The following AFG2A variants were observed in gnomAD, a reference collection of about 807,000 sequenced individuals.
The protein encoded by AFG2A is AAA ATPase AFG2A.
chr4:123,207,305 T>TG, the AFG2A span, among the ~76,000 whole-genome samples: 2 of 149,216 alleles, frequency 1.3e-5, no homozygotes, highest in South Asian at 4.3e-4. Context: ...TTTTTTTTTT[T>TG]TGTGAGACAC....
At chr4:122,938,683 C>T in the AFG2A span, among the ~76,000 whole-genome samples, 2 of 152,120 alleles carry the variant, frequency 1.3e-5, no homozygotes, top group Non-Finnish European at 2.9e-5. Flanking sequence ...CTCCACCTTC[C>T]AGGTTCAAGC....
chr4:123,199,473 T>TG, the AFG2A span, among the ~76,000 whole-genome samples: 1 of 135,988 alleles, frequency 7.4e-6, no homozygotes. Flanking sequence ...TTTTTTTTTT[T>TG]TTTTTTTTTT....
the AFG2A span, among the ~76,000 whole-genome samples, chr4:123,221,852 G>C: frequency 6.6e-6 from 1 of 151,996 alleles, no homozygotes; most frequent in Non-Finnish European, 1.5e-5. Flanking sequence ...ATTTGAACCC[G>C]GGAGGCGGAG....
chr4:123,159,243 A>T, the AFG2A span, among the ~76,000 whole-genome samples: 4 of 151,154 alleles, frequency 2.6e-5, no homozygotes, highest in Non-Finnish European at 5.9e-5. Context: ...AAGTTTTGGC[A>T]AGTTTTTAAT....
the AFG2A span, among the ~76,000 whole-genome samples, chr4:122,992,224 T>C: frequency 6.6e-6 from 1 of 152,180 alleles, no homozygotes; most frequent in Non-Finnish European, 1.5e-5. Context: ...TAATGAAAGA[T>C]TTTTTTTCTT....
At chr4:123,117,824 G>C in the AFG2A span, among the ~76,000 whole-genome samples, 1 of 151,128 alleles carries the variant, frequency 6.6e-6, no homozygotes, top group Non-Finnish European at 1.5e-5. Flanking sequence ...TCTGTATTCT[G>C]TCACCACCAA....
the AFG2A span, among the ~76,000 whole-genome samples, chr4:123,244,177 G>A: frequency 5.9e-5 from 9 of 152,070 alleles, no homozygotes; most frequent in Admixed American, 5.2e-4. Flanking sequence ...AGCCAAAGCA[G>A]GACTGACGGA....
At chr4:122,931,842 A>C in the AFG2A span, among the ~76,000 whole-genome samples, 1,439 of 152,320 alleles carry the variant, frequency 9.4e-3, 32 homozygotes, top group African/African-American at 0.032. Context: ...CTGCTCTTCC[A>C]TGTCACTAAT....
At chr4:123,216,424 A>C in the AFG2A span, among the ~76,000 whole-genome samples, 1 of 152,168 alleles carries the variant, frequency 6.6e-6, no homozygotes, top group Non-Finnish European at 1.5e-5. Flanking sequence ...TGCCTTAGAG[A>C]GTTGCTTTAA....
chr4:123,080,612 C>T, the AFG2A span, among the ~76,000 whole-genome samples: 2 of 151,938 alleles, frequency 1.3e-5, no homozygotes, highest in African/African-American at 2.4e-5. Flanking sequence ...TTTCCATTCT[C>T]CAGGTACCAT....
chr4:122,954,061 A>G, the AFG2A span, among the ~76,000 whole-genome samples: 1 of 152,176 alleles, frequency 6.6e-6, no homozygotes, highest in Non-Finnish European at 1.5e-5. Context: ...CAATTCCTCC[A>G]TAGTCTGCCA....
the AFG2A span, among the ~76,000 whole-genome samples, chr4:123,243,506 C>G: frequency 3.0e-4 from 45 of 152,128 alleles, no homozygotes; most frequent in Non-Finnish European, 4.7e-4. Context: ...GACAGAAAAC[C>G]AAACACCACA....
the AFG2A span, among the ~76,000 whole-genome samples, chr4:122,973,113 TG>T: frequency 1.3e-5 from 2 of 152,176 alleles, no homozygotes. Context: ...TTTAGAATTT[TG>T]TATATTCTTG....
At chr4:123,219,636 A>G in the AFG2A span, among the ~76,000 whole-genome samples, 4 of 152,336 alleles carry the variant, frequency 2.6e-5, no homozygotes, top group Non-Finnish European at 5.9e-5. Context: ...ATTTATAAAC[A>G]TAAACATAGA....
chr4:123,273,390 A>C, the AFG2A span, among the ~76,000 whole-genome samples: 1 of 152,118 alleles, frequency 6.6e-6, no homozygotes, highest in African/African-American at 2.4e-5. Context: ...ATTAGTTTTC[A>C]TTTTTAAATT....
chr4:123,092,236 C>G, the AFG2A span, among the ~76,000 whole-genome samples: 1 of 152,162 alleles, frequency 6.6e-6, no homozygotes, highest in African/African-American at 2.4e-5. Flanking sequence ...TAAAGTTTAC[C>G]TAATTCTGCC....
the AFG2A span, among the ~76,000 whole-genome samples, chr4:123,157,147 CTGGGATTACAGG>C: frequency 4.3e-4 from 65 of 151,990 alleles, no homozygotes; most frequent in African/African-American, 1.5e-3. Context: ...TCCCGAGTAG[CTGGGATTACAGG>C]TGCCTGCCAC....
chr4:123,051,567 C>G, the AFG2A span, among the ~76,000 whole-genome samples: 1 of 137,078 alleles, frequency 7.3e-6, no homozygotes, highest in Non-Finnish European at 1.6e-5. Context: ...CGTTAATGTT[C>G]TTTTCTTTTG....
chr4:123,241,537 G>C, the AFG2A span, among the ~76,000 whole-genome samples: 1 of 152,210 alleles, frequency 6.6e-6, no homozygotes, highest in South Asian at 2.1e-4. Context: ...AAAACCACAT[G>C]ATTATCTCAA....
Sources: gnomAD v4.1 joint callset for allele counts (sites outside exome capture counted in the v4.1 genomes callset) on GRCh38, gnomAD v4.1.1 for gene constraint, MANE v1.5 for transcripts, NCBI Gene and HGNC (gene_info 2026-07-23, HGNC 2026-07-21) for gene names.